The following ARMH3 variants were observed in gnomAD, a reference collection of about 807,000 sequenced individuals.
ARMH3 encodes armadillo-like helical domain-containing protein 3.
ARMH3 carries 60 observed loss-of-function variants against 99.1 expected under a neutral mutation model. That is an observed-to-expected ratio of 0.61 (90% CI 0.49 to 0.75). The LOEUF (loss-of-function observed/expected upper bound fraction) is 0.75. Ranked by LOEUF, ARMH3 falls within the 30% of genes least tolerant of loss-of-function variation. The probability of loss-of-function intolerance (pLI) is 0.00; values close to 1 mark genes in which losing one functional copy is unlikely to be tolerated. For synonymous variants in ARMH3, 285 were observed against 292.8 expected (o/e 0.97, Z 0.27); for missense variants, 679 against 843.1 (o/e 0.81, Z 2.41).
Position 101,972,708 on chromosome 10 carries a change from T to C in ARMH3, c.1495+2504A>G, listed in dbSNP as rs187103384. On this transcript the variant is annotated intron_variant, in intron 20 of 25. Coordinates refer to ENST00000370033, the MANE Select transcript of ARMH3 (RefSeq NM_024541.3). ...TGCATCTCACTGTATGTTCCACATA[T>C]GAATACACGGAGCCAGGGTTCCAGG... Among the ~76,000 whole-genome samples the C allele has an allele frequency of 2.2e-3, 329 of 152,288 alleles. 1 individual carries two copies. The highest frequency in any genetic ancestry group is 3.1e-3 in the Non-Finnish European group (209 of 68,020).
At chr10:101,915,929 G>C (rs1052239851) in intron 23 of ARMH3, among the ~76,000 whole-genome samples, 2 of 151,656 alleles carry the variant, frequency 1.3e-5, no homozygotes, top group Admixed American at 6.6e-5. Context: ...TCAGCCTCCG[G>C]AGTAGCTGGA....
chr10:101,869,806 G>A (rs983572411), intron 24 of ARMH3, among the ~76,000 whole-genome samples: 8 of 152,216 alleles, frequency 5.3e-5, no homozygotes, highest in African/African-American at 1.9e-4. Context: ...GCTGAGGGGG[G>A]TGGATCACTT....
chr10:101,900,187 CT>C (rs2067940842), intron 23 of ARMH3, among the ~76,000 whole-genome samples: 1 of 152,204 alleles, frequency 6.6e-6, no homozygotes, highest in Non-Finnish European at 1.5e-5. Context: ...ACTCTGTTCT[CT>C]AGTGGCAGGT....
At chr10:101,987,748 C>A (rs60082283) in intron 19 of ARMH3, among the ~76,000 whole-genome samples, 1 of 152,016 alleles carries the variant, frequency 6.6e-6, no homozygotes, top group African/African-American at 2.4e-5. Flanking sequence ...ACCAACCCTA[C>A]GGAGAGACCC....
At chr10:102,036,681 TCG>T (rs1468853464) in intron 2 of ARMH3, among the ~76,000 whole-genome samples, 1 of 151,646 alleles carries the variant, frequency 6.6e-6, no homozygotes, top group African/African-American at 2.4e-5. Context: ...GGCAGCAGGC[TCG>T]TTAAGAGTCA....
rs77524785 is a variant in ARMH3 at position 101,922,614 on chromosome 10, T to C, written c.1781+17249A>G. Among the ~76,000 whole-genome samples the C allele has an allele frequency of 3.9e-4, 60 of 152,298 alleles. 2 individuals carry two copies. In the East Asian group the frequency reaches 0.01, roughly 26 times the overall value. Reference sequence around the variant, plus strand: ...GTTCATTCTATGTCAAGTTTTATTATATATATTCATTAATAGAATTTATCA... The same window carrying C: ...GTTCATTCTATGTCAAGTTTTATTACATATATTCATTAATAGAATTTATCA... On this transcript the variant is annotated intron_variant, in intron 23 of 25. Transcript: ENST00000370033.
chr10:101,994,012 G>A (rs1846940259), intron 16 of ARMH3, among the ~76,000 whole-genome samples: 1 of 152,214 alleles, frequency 6.6e-6, no homozygotes, highest in Non-Finnish European at 1.5e-5. Flanking sequence ...TTAGGAGCAA[G>A]AAGAAAAATC....
chr10:101,942,635 G>A (rs1004366798), intron 22 of ARMH3, among the ~76,000 whole-genome samples: 7 of 152,092 alleles, frequency 4.6e-5, no homozygotes, highest in South Asian at 2.1e-4. Flanking sequence ...ACTGAAGTGG[G>A]TGGATCACTT....
intron 19 of ARMH3, 92 bp downstream of exon 19, chr10:101,990,459 T>C (rs1399230728): frequency 2.0e-6 from 2 of 998,476 alleles, no homozygotes; most frequent in Non-Finnish European, 3.0e-6. Flanking sequence ...GCGTGAGCCA[T>C]GGCGCCCGGC....
chr10:102,006,185 T>C (rs1379675268), intron 14 of ARMH3, among the ~76,000 whole-genome samples: 1 of 152,238 alleles, frequency 6.6e-6, no homozygotes, highest in African/African-American at 2.4e-5. Context: ...TTCAGTGCTT[T>C]ATAATCACAA....
At chr10:101,851,273 T>C (rs2066594506) in intron 24 of ARMH3, among the ~76,000 whole-genome samples, 1 of 152,144 alleles carries the variant, frequency 6.6e-6, no homozygotes, top group African/African-American at 2.4e-5. Context: ...TGACTTCAGC[T>C]TGTAAGATCA....
At chr10:102,002,960 CAAATAAATAAAT>C (rs72287750) in intron 14 of ARMH3, among the ~76,000 whole-genome samples, 100 of 136,094 alleles carry the variant, frequency 7.3e-4, no homozygotes, top group Middle Eastern at 3.5e-3. Context: ...GACTCTGTCA[CAAATAAATAAAT>C]AAATAAATAA....
intron 2 of ARMH3, among the ~76,000 whole-genome samples, chr10:102,034,512 T>C (rs1169126071): frequency 6.6e-6 from 1 of 151,702 alleles, no homozygotes; most frequent in Admixed American, 6.6e-5. Flanking sequence ...GGTGGGCACC[T>C]GTAGTCCCAG....
At chr10:101,992,856 T>C (rs780303696) in intron 17 of ARMH3, among the ~76,000 whole-genome samples, 24 of 152,128 alleles carry the variant, frequency 1.6e-4, no homozygotes, top group Non-Finnish European at 2.6e-4. Context: ...CCATATTCTA[T>C]TTGCCCACTT....
rs767700130 is a variant in ARMH3, at chr10:102,033,357, G to C, written c.103-18C>G. 3 of 1,611,924 alleles carry C rather than the reference G, an allele frequency of 1.9e-6. No homozygotes were observed. Among genetic ancestry groups the C allele is most frequent in the Non-Finnish European group, 2.5e-6 (3 of 1,179,218 alleles). On this transcript the variant is annotated intron_variant, in intron 2 of 25. Coordinates refer to ENST00000370033, the MANE Select transcript of ARMH3 (RefSeq NM_024541.3). ...TCCTCTGTCTGAAACCAGAATATAA[G>C]CACATTCAGCCTTCCCAGCTAACAC...
chr10:101,966,045 C>T (rs1408239619), intron 20 of ARMH3, among the ~76,000 whole-genome samples: 3 of 151,978 alleles, frequency 2.0e-5, no homozygotes, highest in Non-Finnish European at 2.9e-5. Context: ...TCCCTAAGTC[C>T]CACGTGAATT....
intron 19 of ARMH3, among the ~76,000 whole-genome samples, chr10:101,986,442 CCTTT>C (rs915303919): frequency 4.0e-5 from 6 of 151,838 alleles, no homozygotes; most frequent in Non-Finnish European, 5.9e-5. Context: ...CCAGGCAAGA[CCTTT>C]CTTTTTTTTT....
chr10:101,907,780 TAA>T (rs1359043074), intron 23 of ARMH3, among the ~76,000 whole-genome samples: 1 of 152,218 alleles, frequency 6.6e-6, no homozygotes, highest in Non-Finnish European at 1.5e-5. Flanking sequence ...TTTTCAGCAG[TAA>T]CCGATCTTGG....
chr10:102,025,095 G>C, intron 6 of ARMH3, 61 bp downstream of exon 6: 1 of 1,355,434 alleles, frequency 7.4e-7, no homozygotes, highest in Admixed American at 1.7e-5. Context: ...TTGGGCTCAA[G>C]TATTCAAACA....
Sources: gnomAD v4.1 joint callset for allele counts (sites outside exome capture counted in the v4.1 genomes callset) on GRCh38, gnomAD v4.1.1 for gene constraint, MANE v1.5 for transcripts, NCBI Gene and HGNC (gene_info 2026-07-23, HGNC 2026-07-21) for gene names.